The following ELF2 variants were observed in gnomAD, a reference collection of about 807,000 sequenced individuals.
ELF2 encodes ETS-related transcription factor Elf-2.
ELF2 carries 11 observed loss-of-function variants against 54.8 expected under a neutral mutation model. The observed-to-expected ratio is 0.20, with a 90% CI of 0.13 to 0.33. The LOEUF (loss-of-function observed/expected upper bound fraction) is 0.33. Ranked by LOEUF, ELF2 falls within the 10% of genes least tolerant of loss-of-function variation. The pLI, the probability that ELF2 is intolerant of heterozygous loss-of-function variation, is 1.00. For missense variants in ELF2, 513 were observed against 703.0 expected (o/e 0.73, Z 3.06); for synonymous variants, 203 against 245.1 (o/e 0.83, Z 1.61).
intron 3 of ELF2, among the ~76,000 whole-genome samples, chr4:139,130,434 C>T (rs1386849608): frequency 1.3e-5 from 2 of 152,174 alleles, no homozygotes; most frequent in African/African-American, 2.4e-5. Context: ...CTTCTAATTC[C>T]TAAATGTGAA....
At chr4:139,162,875 T>C (rs1221285998) in intron 1 of ELF2, among the ~76,000 whole-genome samples, 1 of 152,052 alleles carries the variant, frequency 6.6e-6, no homozygotes, top group African/African-American at 2.4e-5. Flanking sequence ...AACAGGAGGA[T>C]TACTTAAGGC....
intron 1 of ELF2, 94 bp from the exon 2 acceptor site, chr4:139,139,591 TAAAAC>T (rs1407925215): frequency 3.4e-5 from 20 of 581,316 alleles, no homozygotes; most frequent in Non-Finnish European, 4.8e-5. Context: ...AAATACTTAA[TAAAAC>T]AAATCACTTC....
intron 3 of ELF2, among the ~76,000 whole-genome samples, chr4:139,136,219 C>T (rs1025276194): frequency 1.3e-5 from 2 of 152,018 alleles, no homozygotes; most frequent in African/African-American, 4.8e-5. Flanking sequence ...AAGACATTGA[C>T]GATGGGAAGA....
chr4:139,067,585 A>T (rs770307626), intron 7 of ELF2, 99 bp downstream of exon 7: 1 of 1,219,952 alleles, frequency 8.2e-7, no homozygotes, highest in Admixed American at 1.8e-5. Context: ...CAGTATTCTC[A>T]TATGTGCATG....
At chr4:139,135,382 T>G (rs1738048224) in intron 3 of ELF2, among the ~76,000 whole-genome samples, 1 of 151,944 alleles carries the variant, frequency 6.6e-6, no homozygotes, top group Non-Finnish European at 1.5e-5. Context: ...AAACCATGTT[T>G]CCAGTATTAG....
chr4:139,058,431 A>ATATATATATAT lies in ELF2; in HGVS notation c.*551_*552insATATATATATA. On this transcript the variant is annotated 3_prime_UTR_variant, in exon 10 of 10. Transcript: ENST00000686138. Reference sequence around the variant, plus strand: ...TGTATATATATATATATATATATATAAAATCGCACTAGATCTTTTTTTGCT... The same window carrying ATATATATATAT: ...TGTATATATATATATATATATATATATATATATATATAAATCGCACTAGATCTTTTTTTGCT... 1.3e-5 allele frequency: 2 copies of ATATATATATAT among 148,602 alleles called. No individual in the cohort carries two copies. Among genetic ancestry groups the ATATATATATAT allele is most frequent in the African/African-American group, 4.9e-5 (2 of 40,654 alleles). 9.2% of individuals were successfully genotyped at this position (148,602 alleles called of 1,614,324 possible). A position where few individuals can be genotyped will look rare whatever the true frequency, so the allele number is the denominator to read the frequency against.
chr4:139,131,976 G>A (rs1737534748), intron 3 of ELF2, among the ~76,000 whole-genome samples: 1 of 152,126 alleles, frequency 6.6e-6, no homozygotes, highest in South Asian at 2.1e-4. Flanking sequence ...CCATAGAATA[G>A]TACTGTTGTC....
At chr4:139,082,373 T>C (rs1448389233) in intron 4 of ELF2, among the ~76,000 whole-genome samples, 1 of 152,234 alleles carries the variant, frequency 6.6e-6, no homozygotes, top group East Asian at 1.9e-4. Flanking sequence ...TACAAAGGAA[T>C]CAAGTTCTCA....
chr4:139,129,015 C>T (rs12646001), intron 3 of ELF2, among the ~76,000 whole-genome samples: 9 of 152,002 alleles, frequency 5.9e-5, no homozygotes, highest in Non-Finnish European at 1.3e-4. Flanking sequence ...CTTGACACAC[C>T]GCAACCTCTG....
At chr4:139,098,657 A>G (rs982036190) in intron 4 of ELF2, among the ~76,000 whole-genome samples, 1 of 151,854 alleles carries the variant, frequency 6.6e-6, no homozygotes. Flanking sequence ...TTTGGTAGAG[A>G]TGGGGTTTCA....
intron 4 of ELF2, chr4:139,102,077 C>T (rs1322450730): frequency 6.6e-6 from 1 of 151,588 alleles, no homozygotes; most frequent in East Asian, 1.9e-4. Flanking sequence ...CCTCTTGAAC[C>T]AAGTTCTTGG....
At chr4:139,072,632 A>G (rs1421508387) in intron 5 of ELF2, among the ~76,000 whole-genome samples, 1 of 152,242 alleles carries the variant, frequency 6.6e-6, no homozygotes, top group African/African-American at 2.4e-5. Context: ...CAGTAGGTAC[A>G]AATTGTTATC....
chr4:139,121,065 T>C (rs1736259492), intron 4 of ELF2, among the ~76,000 whole-genome samples: 1 of 151,786 alleles, frequency 6.6e-6, no homozygotes, highest in African/African-American at 2.4e-5. Context: ...ATTTGGCTAT[T>C]GACTGCTTTG....
chr4:139,116,772 A>C, intron 4 of ELF2: 1 of 972,966 alleles, frequency 1.0e-6, no homozygotes, highest in Non-Finnish European at 1.2e-6. Context: ...AATATTTTCT[A>C]ATTAAAGGAG....
At chr4:139,121,558 G>A (rs565152903) in intron 4 of ELF2, among the ~76,000 whole-genome samples, 6 of 151,964 alleles carry the variant, frequency 3.9e-5, no homozygotes, top group Admixed American at 6.5e-5. Context: ...CATAAAAACT[G>A]TACTTTCAAA....
At chr4:139,111,552 A>G (rs1449275153) in intron 4 of ELF2, among the ~76,000 whole-genome samples, 1 of 151,226 alleles carries the variant, frequency 6.6e-6, no homozygotes, top group African/African-American at 2.4e-5. Context: ...CTATTACACA[A>G]TTGACTTAAA....
chr4:139,171,447 G>A (rs1742299351), intron 1 of ELF2, among the ~76,000 whole-genome samples: 1 of 151,986 alleles, frequency 6.6e-6, no homozygotes, highest in South Asian at 2.1e-4. Context: ...TACTGCTCAA[G>A]GTCATCGCCA....
intron 7 of ELF2, among the ~76,000 whole-genome samples, chr4:139,065,259 C>T (rs117063455): frequency 6.6e-6 from 1 of 152,168 alleles, no homozygotes; most frequent in Non-Finnish European, 1.5e-5. Flanking sequence ...TGAAGGATCA[C>T]TTGAGCCTAG....
chr4:139,059,849 CTT>C (rs780513254), intron 9 of ELF2, among the ~76,000 whole-genome samples: 11 of 141,838 alleles, frequency 7.8e-5, no homozygotes, highest in Admixed American at 7.1e-5. Flanking sequence ...AAGACATCTA[CTT>C]TTTTTTTTTT....
Sources: allele counts gnomAD v4.1 joint callset (sites outside exome capture counted in the v4.1 genomes callset), GRCh38; gene constraint gnomAD v4.1.1; transcripts MANE v1.5; gene names NCBI Gene and HGNC (gene_info 2026-07-23, HGNC 2026-07-21).